The following AGK variants were observed in gnomAD, a reference collection of about 807,000 sequenced individuals.
AGK encodes acylglycerol kinase.
In AGK, 52 loss-of-function variants were observed where a neutral mutation model predicts 66.4. That is an observed-to-expected ratio of 0.78 (90% CI 0.63 to 0.99). The LOEUF is 0.99. Among genes scored for constraint, AGK ranks in the 50% least tolerant of loss-of-function variants. AGK has a pLI of 0.00. For missense variants in AGK, 451 were observed against 506.6 expected, an observed-to-expected ratio of 0.89 and a Z score of 1.05; for synonymous variants, 182 against 181.1, an observed-to-expected ratio of 1.00 and a Z score of -0.04.
intron 15 of AGK, 138 bp downstream of exon 15, chr7:141,651,747 T>TC (rs778218000): frequency 8.1e-5 from 64 of 787,228 alleles, no homozygotes; most frequent in Non-Finnish European, 1.3e-4. Flanking sequence ...TTTGCCAGGC[T>TC]CTGGGTCATA....
intron 5 of AGK, among the ~76,000 whole-genome samples, chr7:141,608,996 A>AT (rs1243975293): frequency 2.0e-5 from 3 of 152,098 alleles, no homozygotes; most frequent in African/African-American, 7.2e-5. Context: ...ACATACATAC[A>AT]TTTTTTTAAA....
chr7:141,625,965 T>G (rs535421128), intron 9 of AGK, among the ~76,000 whole-genome samples: 1 of 152,348 alleles, frequency 6.6e-6, no homozygotes, highest in Admixed American at 6.5e-5. Context: ...GTTTTCTTAC[T>G]GATTTATACA....
intron 14 of AGK, among the ~76,000 whole-genome samples, chr7:141,649,663 C>T (rs1054549882): frequency 2.6e-5 from 4 of 152,228 alleles, no homozygotes; most frequent in Non-Finnish European, 5.9e-5. Flanking sequence ...ACTTACCCGA[C>T]GTCATGACTC....
In AGK at chr7:141,585,002, A is replaced by G. The variant is rs542827722; in HGVS notation, c.102-8144A>G. On this transcript the variant is annotated intron_variant, in intron 2 of 15. Transcript: ENST00000649286. ...AAATTTCTTTGGTAGCAGGTAGTGC[A>G]TGATGGTGTGGTTTGGAGAACAAGA... Among the ~76,000 whole-genome samples, 7 of 152,360 alleles carry G rather than the reference A, an allele frequency of 4.6e-5. No homozygotes were observed. The East Asian group carries it at 9.6e-4, about 21-fold the overall frequency.
chr7:141,605,304 A>G (rs749027133), intron 5 of AGK, among the ~76,000 whole-genome samples: 3 of 151,972 alleles, frequency 2.0e-5, no homozygotes, highest in African/African-American at 7.3e-5. Flanking sequence ...GAGTGAGTCA[A>G]CCCCGCTTTT....
At chr7:141,648,082 C>T (rs1161370168) in intron 13 of AGK, among the ~76,000 whole-genome samples, 3 of 152,296 alleles carry the variant, frequency 2.0e-5, no homozygotes, top group Non-Finnish European at 2.9e-5. Flanking sequence ...GCCACATCGC[C>T]GGCTCCCTCA....
At chr7:141,559,474 T>C (rs1484515371) in intron 2 of AGK, among the ~76,000 whole-genome samples, 1 of 152,196 alleles carries the variant, frequency 6.6e-6, no homozygotes, top group African/African-American at 2.4e-5. Flanking sequence ...AGTCTATATA[T>C]CTGTATTTAT....
intron 10 of AGK, among the ~76,000 whole-genome samples, chr7:141,634,433 C>CCGCT (rs1445032339): frequency 6.6e-6 from 1 of 152,118 alleles, no homozygotes; most frequent in Non-Finnish European, 1.5e-5. Context: ...AGACCACAGG[C>CCGCT]CGCTGCTCTT....
intron 5 of AGK, among the ~76,000 whole-genome samples, chr7:141,603,555 A>C (rs1477927010): frequency 6.6e-6 from 1 of 152,136 alleles, no homozygotes; most frequent in African/African-American, 2.4e-5. Flanking sequence ...AAAAGCATGA[A>C]AGCAGGATAT....
Position 141,641,378 on chromosome 7 carries a change from A to G in AGK, c.857A>G (p.Tyr286Cys), listed in dbSNP as rs964503524. Reference sequence around the variant, plus strand: ...AGAATATTACGAAGGCTTGCGTCCTACTGGGCACAACCACAGGATGGTGAG... The same window carrying G: ...AGAATATTACGAAGGCTTGCGTCCTGCTGGGCACAACCACAGGATGGTGAG... Reference protein sequence around the residue: ...YRRILRRLASYWAQPQDALSQ... With the variant: ...YRRILRRLASCWAQPQDALSQ... The change falls in exon 12 of 16, where the codon TAC (tyrosine) becomes TGC (cysteine). Residue 286 changes from tyrosine (Y) to cysteine (C), a missense_variant. Transcript: ENST00000649286. The G allele has an allele frequency of 1.2e-6, 2 of 1,612,678 alleles. No individual in the cohort carries two copies. Among genetic ancestry groups the G allele is most frequent in the African/African-American group, 1.3e-5 (1 of 74,932 alleles).
intron 2 of AGK, among the ~76,000 whole-genome samples, chr7:141,572,808 G>T (rs1019444069): frequency 6.6e-6 from 1 of 152,152 alleles, no homozygotes; most frequent in Non-Finnish European, 1.5e-5. Context: ...GGCTATGGGG[G>T]GGGGAAATGT....
At position 141,654,433 on chromosome 7, in the gene AGK, T is replaced by C. The variant is rs1183456713; in HGVS notation, c.*1509T>C. On this transcript the variant is annotated 3_prime_UTR_variant, in exon 16 of 16. Coordinates refer to ENST00000649286, the MANE Select transcript of AGK (RefSeq NM_018238.4). ...TGTTTTTACAGTTCTTTGGATTCCT[T>C]TGGCATTTTGACAAAGATCACAGTG... 1 of 152,198 alleles carries C rather than the reference T, an allele frequency of 6.6e-6. No homozygotes were observed. The highest frequency in any genetic ancestry group is 1.9e-4 in the East Asian group (1 of 5,194). 9.4% of individuals were successfully genotyped at this position (152,198 alleles called of 1,614,324 possible). A position where few individuals can be genotyped will look rare whatever the true frequency, so the allele number is the denominator to read the frequency against.
At chr7:141,583,424 G>C (rs964593223) in intron 2 of AGK, among the ~76,000 whole-genome samples, 9 of 143,240 alleles carry the variant, frequency 6.3e-5, no homozygotes, top group East Asian at 6.2e-4. Flanking sequence ...GAGAAGGGGT[G>C]GGGGGGTGCT....
At chr7:141,589,519 A>G (rs1428471512) in intron 2 of AGK, among the ~76,000 whole-genome samples, 4 of 152,182 alleles carry the variant, frequency 2.6e-5, no homozygotes, top group Non-Finnish European at 5.9e-5. Context: ...TAGCAAGATC[A>G]AGATGGTTAA....
At chr7:141,557,738 T>C (rs1212983490) in intron 2 of AGK, among the ~76,000 whole-genome samples, 1 of 152,238 alleles carries the variant, frequency 6.6e-6, no homozygotes, top group Non-Finnish European at 1.5e-5. Flanking sequence ...ACCCTTGACA[T>C]TCAATGTTAC....
chr7:141,651,756 T>C (rs547058221), intron 15 of AGK, 147 bp downstream of exon 15: 6 of 731,482 alleles, frequency 8.2e-6, no homozygotes, highest in Admixed American at 2.2e-5. Flanking sequence ...CTCTGGGTCA[T>C]ATTAGCGGGG....
intron 5 of AGK, among the ~76,000 whole-genome samples, chr7:141,606,758 A>G (rs1272114521): frequency 1.3e-5 from 2 of 152,162 alleles, no homozygotes; most frequent in Non-Finnish European, 2.9e-5. Context: ...TGCATAATGC[A>G]TTGTGTTCAC....
intron 9 of AGK, among the ~76,000 whole-genome samples, chr7:141,633,495 T>A (rs1797102370): frequency 1.3e-5 from 2 of 152,224 alleles, no homozygotes; most frequent in African/African-American, 4.8e-5. Context: ...AGGATTCTGA[T>A]CTGACTTGAG....
chr7:141,651,690 T>C (rs1797563617), intron 15 of AGK, 81 bp downstream of exon 15: 1 of 1,320,178 alleles, frequency 7.6e-7, no homozygotes, highest in Non-Finnish European at 1.1e-6. Context: ...CCATCCTTCC[T>C]CTCTGTTAGC....
Sources: gnomAD v4.1 joint callset for allele counts (sites outside exome capture counted in the v4.1 genomes callset) on GRCh38, gnomAD v4.1.1 for gene constraint, MANE v1.5 for transcripts, NCBI Gene and HGNC (gene_info 2026-07-23, HGNC 2026-07-21) for gene names.